KLK6: variants seen among roughly 807,000 people sequenced by gnomAD.
KLK6 encodes kallikrein related peptidase 6.
Under a neutral mutation model 21.7 loss-of-function variants are expected in KLK6, and 16 were observed. The observed-to-expected ratio is 0.74, with a 90% CI of 0.50 to 1.12. The LOEUF is 1.12. Among genes scored for constraint, KLK6 ranks in the 50% most tolerant of loss-of-function variants. The pLI is 0.00. For synonymous variants in KLK6, 116 were observed against 120.1 expected (o/e 0.97, Z 0.22); for missense variants, 276 against 304.6 (o/e 0.91, Z 0.70).
chr19:50,964,865 C>T (rs762767079), intron 4 of KLK6, among the ~76,000 whole-genome samples: 13 of 152,194 alleles, frequency 8.5e-5, no homozygotes, highest in Non-Finnish European at 1.8e-4. Flanking sequence ...CTTCTGCCCC[C>T]CAGTGAACGG....
chr19:50,964,614 C>T (rs1025791040), intron 4 of KLK6, among the ~76,000 whole-genome samples: 1 of 152,214 alleles, frequency 6.6e-6, no homozygotes, highest in East Asian at 1.9e-4. Flanking sequence ...GACAGTGCAG[C>T]TCTAGGATGT....
At chr19:50,967,080 G>T in intron 4 of KLK6, 89 bp downstream of exon 4, 1 of 1,443,004 alleles carries the variant, frequency 6.9e-7, no homozygotes, top group Non-Finnish European at 9.7e-7. Context: ...CTGGGATGGG[G>T]GGGATGCCTA....
rs1274193044 is a variant in KLK6, at chr19:50,968,086, C to G, written c.19G>C (p.Val7Leu). 6.2e-7 allele frequency: 1 copy of G among 1,614,048 alleles called. No homozygotes were observed. Among genetic ancestry groups the G allele is most frequent in the East Asian group, 2.2e-5 (1 of 44,872 alleles). The change falls in exon 3 of 7, where the codon GTG (valine) becomes CTG (leucine). Residue 7 changes from valine (V) to leucine (L), a missense_variant. Val to Leu is a conservative substitution (Grantham distance 32). Coordinates refer to ENST00000310157, the MANE Select transcript of KLK6 (RefSeq NM_002774.4). The part of the protein sequence containing the change: MKKLMV[V>L]LSLIAAAWAE... Reference sequence around the variant, plus strand: ...CCACCTGCAGCAATCAGACTCAGCACCACCATCAGCTTCTTCATGGCCGCT... The same window carrying G: ...CCACCTGCAGCAATCAGACTCAGCAGCACCATCAGCTTCTTCATGGCCGCT...
intron 4 of KLK6, among the ~76,000 whole-genome samples, chr19:50,964,566 A>G (rs1436251153): frequency 6.6e-6 from 1 of 152,224 alleles, no homozygotes; most frequent in Non-Finnish European, 1.5e-5. Flanking sequence ...ATTAATTTCA[A>G]TGTAATTTGC....
At chr19:50,959,402 T>C in intron 6 of KLK6, 86 bp from the exon 7 acceptor site, 5 of 1,143,988 alleles carry the variant, frequency 4.4e-6, no homozygotes, top group Non-Finnish European at 6.1e-6. Flanking sequence ...TGTGTGTGTG[T>C]GTGTGTGACA....
At chr19:50,967,110 T>C (rs1480873481) in intron 4 of KLK6, 59 bp downstream of exon 4, 4 of 1,596,914 alleles carry the variant, frequency 2.5e-6, no homozygotes, top group Non-Finnish European at 3.4e-6. Context: ...CTGCCTGACA[T>C]CTATAAGACA....
At chr19:50,966,865 C>G (rs1209597696) in intron 4 of KLK6, among the ~76,000 whole-genome samples, 1 of 152,200 alleles carries the variant, frequency 6.6e-6, no homozygotes, top group Non-Finnish European at 1.5e-5. Context: ...AGAATTAAAT[C>G]CAAATGCCCA....
intron 3 of KLK6, 56 bp from the exon 4 acceptor site, chr19:50,967,381 C>T: frequency 6.6e-7 from 1 of 1,509,860 alleles, no homozygotes; most frequent in Non-Finnish European, 8.9e-7. Flanking sequence ...AAGCGCATCC[C>T]CCTCAACATG....
At chr19:50,964,396 T>C (rs772197191) in intron 4 of KLK6, among the ~76,000 whole-genome samples, 5 of 152,208 alleles carry the variant, frequency 3.3e-5, no homozygotes, top group Non-Finnish European at 5.9e-5. Context: ...TTGTTAAATA[T>C]TTACTCATTG....
intron 4 of KLK6, chr19:50,963,792 C>G (rs59358339): frequency 0.062 from 32,131 of 516,544 alleles, 1,776 homozygotes; most frequent in East Asian, 0.25. Flanking sequence ...AGAATCTGGC[C>G]ACATCTCACC....
intron 4 of KLK6, among the ~76,000 whole-genome samples, chr19:50,965,064 A>G (rs2090903639): frequency 6.6e-6 from 1 of 151,904 alleles, no homozygotes; most frequent in Non-Finnish European, 1.5e-5. Context: ...CATAATTTGT[A>G]ATTATATGGG....
chr19:50,960,512 G>A (rs1000736569), intron 6 of KLK6, among the ~76,000 whole-genome samples: 2 of 152,110 alleles, frequency 1.3e-5, no homozygotes, highest in Admixed American at 6.6e-5. Flanking sequence ...TCCAGAGCCT[G>A]GTCGTTTCTG....
chr19:50,962,593 C>G (rs1361388266), intron 5 of KLK6: 1 of 152,876 alleles, frequency 6.5e-6, no homozygotes, highest in Non-Finnish European at 1.5e-5. Flanking sequence ...TTCTAACTGG[C>G]CTCACCATCC....
chr19:50,959,179 G>T lies in KLK6; in HGVS notation c.720C>A (p.Thr240=). The change falls in exon 7 of 7, where the codon ACC becomes ACA. Residue 240 remains threonine, a synonymous_variant. Coordinates refer to ENST00000310157, the MANE Select transcript of KLK6 (RefSeq NM_002774.4). ...VCRYTNWIQK[T]IQAK ...CATGTCAGGGTCACTTGGCCTGAAT[G>T]GTTTTTTGGATCCAGTTCGTGTATC... 6.2e-7 allele frequency: 1 copy of T among 1,614,146 alleles called. No homozygotes were observed. The highest frequency in any genetic ancestry group is 1.1e-5 in the South Asian group (1 of 91,086).
chr19:50,967,312 C>T lies in KLK6; in HGVS notation c.54G>A (p.Glu18=), dbSNP rs2122167610. The T allele has an allele frequency of 6.2e-7, 1 of 1,606,614 alleles. No homozygotes were observed. The highest frequency in any genetic ancestry group is 1.1e-5 in the South Asian group (1 of 90,358). Residue 18 remains glutamate, a synonymous_variant, in exon 4 of 7, where the codon GAG becomes GAA. Transcript: ENST00000310157. The part of the protein sequence containing the change: ...LSLIAAAWAE[E]QNKLVHGGPC... The stretch of plus-strand genomic sequence containing the variant: ...GTCCGCCATGCACCAACTTATTCTG[C>T]TCCTCTGCCCAGGCTGAGGGAGAGA...
chr19:50,967,996 C>T, intron 3 of KLK6, 69 bp downstream of exon 3: 1 of 1,417,382 alleles, frequency 7.1e-7, no homozygotes, highest in Non-Finnish European at 1.0e-6. Flanking sequence ...TCCCCAATAC[C>T]AGCCTCTTCT....
At chr19:50,966,818 CA>C (rs2090933716) in intron 4 of KLK6, among the ~76,000 whole-genome samples, 1 of 152,008 alleles carries the variant, frequency 6.6e-6, no homozygotes, top group African/African-American at 2.4e-5. Context: ...AAACAAACAA[CA>C]AAAACAAAAC....
intron 4 of KLK6, among the ~76,000 whole-genome samples, chr19:50,964,906 G>A (rs751481229): frequency 6.6e-6 from 1 of 152,096 alleles, no homozygotes; most frequent in African/African-American, 2.4e-5. Flanking sequence ...TACTCAAGAC[G>A]GTTCTCACCT....
intron 5 of KLK6, chr19:50,962,626 TA>T (rs1362003671): frequency 6.5e-6 from 1 of 153,156 alleles, no homozygotes; most frequent in Non-Finnish European, 1.5e-5. Context: ...CCCTTCCTAT[TA>T]GCCCTTCATC....
Sources: gnomAD v4.1 joint callset for allele counts (sites outside exome capture counted in the v4.1 genomes callset) on GRCh38, gnomAD v4.1.1 for gene constraint, MANE v1.5 for transcripts, NCBI Gene and HGNC (gene_info 2026-07-23, HGNC 2026-07-21) for gene names.